Variants in PLEC observed in about 807,000 individuals in gnomAD.
The protein encoded by PLEC is plectin.
PLEC carries 216 observed loss-of-function variants against 392.8 expected under a neutral mutation model. That is an observed-to-expected ratio of 0.55 (90% CI 0.49 to 0.62). The LOEUF (loss-of-function observed/expected upper bound fraction) is 0.62. Among genes scored for constraint, PLEC ranks in the 20% least tolerant of loss-of-function variants. The probability of loss-of-function intolerance (pLI) is 0.00; values close to 1 mark genes in which losing one functional copy is unlikely to be tolerated. For synonymous variants in PLEC, 3,621 were observed against 2,980.6 expected (o/e 1.21, Z -7.00); for missense variants, 6,863 against 6,563.4 (o/e 1.05, Z -1.58).
chr8:143,927,910 C>G lies in PLEC; in HGVS notation c.3343G>C (p.Ala1115Pro). The G allele has an allele frequency of 6.3e-7, 1 of 1,598,452 alleles. No homozygotes were observed. The highest frequency in any genetic ancestry group is 8.5e-7 in the Non-Finnish European group (1 of 1,173,452). Residue 1115 changes from alanine (A) to proline (P), a missense_variant, in exon 26 of 32, where the codon GCC becomes CCC. Transcript: ENST00000345136. ...GGGAGGGTGGCCGGCACGGCCTGGG[C>G]CTCCTTGAGCTGCTCCTCGTGGGCC... ...LRAHEEQLKE[A>P]QAVPATLPEL...
At position 143,919,968 on chromosome 8, in the gene PLEC, T is replaced by C. The variant is rs1333335060; in HGVS notation, c.9853A>G (p.Ile3285Val). 3 of 1,613,350 alleles carry C rather than the reference T, an allele frequency of 1.9e-6. No individual in the cohort carries two copies. The highest frequency in any genetic ancestry group is 4.5e-5 in the East Asian group (2 of 44,886). Residue 3285 changes from isoleucine (I) to valine (V), a missense_variant, in exon 32 of 32, where the codon ATC becomes GTC. Coordinates refer to ENST00000345136, the MANE Select transcript of PLEC (RefSeq NM_201384.3). ...RTGKVTVEKV[I>V]KILITIVEEV... The stretch of plus-strand genomic sequence containing the variant: ...TCCACGATGGTAATGAGAATCTTGA[T>C]GACCTTCTCCACGGTGACCTTGCCC...
At position 143,931,925 on chromosome 8, in the gene PLEC, T is replaced by C; in HGVS notation, c.2178+12A>G. On this transcript the variant is annotated intron_variant, in intron 18 of 31. Coordinates refer to ENST00000345136, the MANE Select transcript of PLEC (RefSeq NM_201384.3). ...CGCTGAGCCACAGTGCGGAGGGGGCTCCGGTTCTCACCTGAAAGTAGGCAG... is the reference window on the plus strand; with the variant it reads ...CGCTGAGCCACAGTGCGGAGGGGGCCCCGGTTCTCACCTGAAAGTAGGCAG... 1 of 1,598,610 alleles carries C rather than the reference T, an allele frequency of 6.3e-7. No homozygotes were observed. The highest frequency in any genetic ancestry group is 1.1e-5 in the South Asian group (1 of 89,054).
Position 143,920,494 on chromosome 8 carries a change from G to A in PLEC, c.9327C>T (p.Tyr3109=). ...EKAVTGYRDP[Y]TGQSVSLFQA... ...GGAACAGGGAGACGCTCTGCCCTGTGTAGGGGTCCCTGTACCCTGTCACAG... is the reference window on the plus strand; with the variant it reads ...GGAACAGGGAGACGCTCTGCCCTGTATAGGGGTCCCTGTACCCTGTCACAG... The change falls in exon 32 of 32, where the codon TAC becomes TAT. Residue 3109 remains tyrosine, a synonymous_variant. Coordinates refer to ENST00000345136, the MANE Select transcript of PLEC (RefSeq NM_201384.3). 6.2e-7 allele frequency: 1 copy of A among 1,609,620 alleles called. No homozygotes were observed. Among genetic ancestry groups the A allele is most frequent in the Non-Finnish European group, 8.5e-7 (1 of 1,178,742 alleles).
chr8:143,970,979 T>A (rs1230192880), intron 1 of PLEC, among the ~76,000 whole-genome samples: 1 of 152,206 alleles, frequency 6.6e-6, no homozygotes, highest in Non-Finnish European at 1.5e-5. Context: ...CCCAGAGGAA[T>A]CTGCCCTGGA....
chr8:143,959,484 A>G (rs1201881778), intron 1 of PLEC, among the ~76,000 whole-genome samples: 1 of 152,246 alleles, frequency 6.6e-6, no homozygotes, highest in African/African-American at 2.4e-5. Flanking sequence ...CCCAGGTGGC[A>G]GATGCCGCGC....
rs1554677374 is a variant in PLEC, at chr8:143,919,187, C to A, written c.10634G>T (p.Gly3545Val). The part of the protein sequence containing the change: ...ETGLRLLPLK[G>V]AEKAEVVETT... ...CTCCACCACCTCAGCCTTCTCCGCCCCTTTCAGTGGCAGAAGGCGCAAGCC... is the reference window on the plus strand; with the variant it reads ...CTCCACCACCTCAGCCTTCTCCGCCACTTTCAGTGGCAGAAGGCGCAAGCC... Residue 3545 changes from glycine (G) to valine (V), a missense_variant, in exon 32 of 32, where the codon GGG becomes GTG. By Grantham distance (109) the Gly-to-Val change is moderately radical. Transcript: ENST00000345136. The A allele has an allele frequency of 6.2e-7, 1 of 1,613,878 alleles. No homozygotes were observed. The highest frequency in any genetic ancestry group is 1.1e-5 in the South Asian group (1 of 91,082).
Position 143,919,869 on chromosome 8 carries a change from G to A in PLEC, c.9952C>T (p.Leu3318=), listed in dbSNP as rs781828927. The A allele has an allele frequency of 6.2e-7, 1 of 1,613,060 alleles. No homozygotes were observed. Among genetic ancestry groups the A allele is most frequent in the African/African-American group, 1.3e-5 (1 of 74,956 alleles). ...GCTCTGCTGAGGACCCCGGAAGCCA[G>A]GAGCTCGCTGGCTGGCACAGGGGCA... The part of the protein sequence containing the change: ...LRAPVPASEL[L]ASGVLSRAQF... The change falls in exon 32 of 32, where the codon CTG becomes TTG. Residue 3318 remains leucine (L), a synonymous_variant. Transcript: ENST00000345136.
At chr8:143,938,378 C>G in intron 2 of PLEC, 138 bp from the exon 3 acceptor site, 2 of 1,531,998 alleles carry the variant, frequency 1.3e-6, no homozygotes, top group Non-Finnish European at 1.7e-6. Context: ...ACGGAACACA[C>G]CCTGCCCCAC....
At chr8:143,943,775 T>G (rs377195293), upstream of PLEC, 107 of 1,610,808 alleles carry the variant, frequency 6.6e-5, no homozygotes, top group East Asian at 1.3e-3. Flanking sequence ...CCAGCGGGGC[T>G]TACCTTGCTC....
chr8:143,925,994 G>T (rs184357166), intron 30 of PLEC, 110 bp from the exon 31 acceptor site: 12 of 1,245,888 alleles, frequency 9.6e-6, no homozygotes, highest in East Asian at 7.6e-5. Flanking sequence ...AGCAGGGGTC[G>T]GGGAAGACAG....
rs782214798 is a variant in PLEC at position 143,921,352 on chromosome 8, G to A, written c.8469C>T (p.Arg2823=). The A allele has an allele frequency of 1.2e-4, 190 of 1,613,526 alleles. No individual in the cohort carries two copies. The highest frequency in any genetic ancestry group is 1.5e-4 in the Admixed American group (9 of 59,980). Reference sequence around the variant, plus strand: ...GCCGGTAGGCCACGTCCACGGGCACGCGGTGGCTGTGCACGGGGTCGATAA... The same window carrying A: ...GCCGGTAGGCCACGTCCACGGGCACACGGTGGCTGTGCACGGGGTCGATAA... The part of the protein sequence containing the change: ...GGVIDPVHSH[R]VPVDVAYRRG... The change falls in exon 32 of 32, where the codon CGC becomes CGT. Residue 2823 remains arginine (R), a synonymous_variant. Transcript: ENST00000345136.
chr8:143,932,552 TG>T lies in PLEC; in HGVS notation c.1824del (p.Lys609ArgfsTer21). The T allele has an allele frequency of 6.2e-7, 1 of 1,612,452 alleles. No homozygotes were observed. The highest frequency in any genetic ancestry group is 8.5e-7 in the Non-Finnish European group (1 of 1,179,908). ...DLQYAKLLNS[S>X]KARLRSLESL... ...CTCTCCAGGGACCTGAGGCGGGCCT[TG>T]GAGGAGTTCTGTGGGCAGGAGGGTG... On this transcript the variant is annotated frameshift_variant, in exon 16 of 32. Transcript: ENST00000345136. LOFTEE classifies it high-confidence loss of function.
intron 3 of PLEC, 93 bp downstream of exon 3, chr8:143,938,058 G>C: frequency 2.3e-6 from 2 of 872,372 alleles, no homozygotes; most frequent in Non-Finnish European, 3.7e-6. Flanking sequence ...ATTCCAAGTA[G>C]AGTGGGCGGC....
intron 1 of PLEC, among the ~76,000 whole-genome samples, chr8:143,966,427 C>G (rs1366168846): frequency 6.6e-6 from 1 of 152,246 alleles, no homozygotes; most frequent in African/African-American, 2.4e-5. Context: ...TTTATGCACC[C>G]AAGGCTAAGC....
At chr8:143,950,883 G>A, upstream of PLEC, 1 of 1,318,414 alleles carries the variant, frequency 7.6e-7, no homozygotes, top group Non-Finnish European at 1.0e-6. Context: ...GCTCCCGGCT[G>A]TGTGGCTCGT....
chr8:143,942,141 G>A (rs1040419604), upstream of PLEC, among the ~76,000 whole-genome samples: 1 of 151,792 alleles, frequency 6.6e-6, no homozygotes, highest in African/African-American at 2.4e-5. Flanking sequence ...GGAACAGCCG[G>A]GGGTGGGCCA....
At chr8:143,944,006 C>A (rs1314833863), upstream of PLEC, 2 of 1,492,454 alleles carry the variant, frequency 1.3e-6, no homozygotes, top group East Asian at 2.5e-5. Context: ...GGGACCGGAG[C>A]CTGCCCTGCC....
At chr8:143,927,136 C>T in intron 28 of PLEC, 55 bp from the exon 29 acceptor site, 1 of 1,563,824 alleles carries the variant, frequency 6.4e-7, no homozygotes, top group East Asian at 2.2e-5. Context: ...GGCCCCTGCC[C>T]AGCCCCTAAA....
intron 1 of PLEC, among the ~76,000 whole-genome samples, chr8:143,959,005 G>C (rs1587393032): frequency 6.6e-6 from 1 of 152,362 alleles, no homozygotes; most frequent in South Asian, 2.1e-4. Context: ...CAGCTCATTT[G>C]ATAAAAACCA....
Sources: allele counts gnomAD v4.1 joint callset (sites outside exome capture counted in the v4.1 genomes callset), GRCh38; gene constraint gnomAD v4.1.1; transcripts MANE v1.5; gene names NCBI Gene and HGNC (gene_info 2026-07-23, HGNC 2026-07-21).